OR11A1: variants seen among roughly 807,000 people sequenced by gnomAD.
The protein encoded by OR11A1 is olfactory receptor 11A1.
For missense variants in OR11A1, 380 were observed against 378.2 expected (o/e 1.00, Z -0.04); for synonymous variants, 158 against 152.2 (o/e 1.04, Z -0.28).
At chr6:29,450,633 G>A (rs1330008006) in intron 1 of OR11A1, 1 of 151,924 alleles carries the variant, frequency 6.6e-6, no homozygotes, top group Non-Finnish European at 1.5e-5. Context: ...CAATACCTAG[G>A]AAAGCAGCTA....
At chr6:29,446,104 A>G (rs535868664) in intron 1 of OR11A1, among the ~76,000 whole-genome samples, 29 of 152,300 alleles carry the variant, frequency 1.9e-4, no homozygotes, top group African/African-American at 7.0e-4. Flanking sequence ...CCCATCATCT[A>G]TTCAACTTTT....
At chr6:29,427,795 G>A in intron 4 of OR11A1, 63 bp from the exon 5 acceptor site, 10 of 1,212,136 alleles carry the variant, frequency 8.2e-6, no homozygotes, top group Non-Finnish European at 1.1e-5. Flanking sequence ...GCTCACGCAA[G>A]TCTTCAACTA....
intron 2 of OR11A1, among the ~76,000 whole-genome samples, chr6:29,430,821 G>A (rs1783178147): frequency 1.3e-5 from 2 of 152,114 alleles, no homozygotes; most frequent in African/African-American, 4.8e-5. Context: ...AAGTAGATAT[G>A]AAAAGAAAAG....
At position 29,430,582 on chromosome 6, in the gene OR11A1, T is replaced by C. The variant is rs546931443; in HGVS notation, c.-264-157A>G. Among the ~76,000 whole-genome samples, 4 of 152,340 alleles carry C rather than the reference T, an allele frequency of 2.6e-5. No homozygotes were observed. In the East Asian group the frequency reaches 5.8e-4, roughly 22 times the overall value. ...CAGAAACAGAAAGTCAAATATTGCA[T>C]ATTCTCATTTATAAGTGGGAGCTAA... On this transcript the variant is annotated intron_variant, in intron 2 of 4. Coordinates refer to ENST00000377149, the MANE Select transcript of OR11A1 (RefSeq NM_001394828.1).
chr6:29,440,238 G>C (rs1784011325), intron 1 of OR11A1: 1 of 1,613,932 alleles, frequency 6.2e-7, no homozygotes, highest in Non-Finnish European at 8.5e-7. Flanking sequence ...CTATACGTCT[G>C]TCACGGTCCC....
In OR11A1 at chr6:29,440,023, C is replaced by A. The variant is rs151242842; in HGVS notation, c.-388-8036G>T. 7.0e-3 allele frequency: 11,239 copies of A among 1,612,462 alleles called. 236 individuals are homozygous for A. The highest frequency in any genetic ancestry group is 0.066 in the Admixed American group (3,974 of 59,990). The stretch of plus-strand genomic sequence containing the variant: ...CAAAGGTATGCAGGCAGGATGAGTG[C>A]AAACACCTCCATGGTGACTGAGTTT... On this transcript the variant is annotated intron_variant, in intron 1 of 4. Transcript: ENST00000377149.
rs1782925426 is a variant in OR11A1 at position 29,427,560 on chromosome 6, A to G, written c.82T>C (p.Leu28=). The G allele has an allele frequency of 6.2e-7, 1 of 1,613,104 alleles. No homozygotes were observed. The highest frequency in any genetic ancestry group is 8.5e-7 in the Non-Finnish European group (1 of 1,180,044). Residue 28 remains leucine, a synonymous_variant, in exon 5 of 5, where the codon TTG becomes CTG. Transcript: ENST00000377149. Reference sequence around the variant, plus strand: ...ACAGCAGTGAATACAATAAAAAACAAGAAATGCAGTTCAGGGATGTCATAG... The same window carrying G: ...ACAGCAGTGAATACAATAAAAAACAGGAAATGCAGTTCAGGGATGTCATAG... ...GFYDIPELHF[L]FFIVFTAVYV...
chr6:29,427,386 C>T lies in OR11A1; in HGVS notation c.256G>A (p.Gly86Ser). The T allele has an allele frequency of 1.9e-6, 3 of 1,613,034 alleles. No homozygotes were observed. The African/African-American group carries it at 4.0e-5, about 21-fold the overall frequency. ...GAGATAGTTGCTTCTTGCAGGAAGC[C>T]CTCCAGCATTTTTGGCATCACTGCG... ...TSAVMPKMLE[G>S]FLQEATISVA... Residue 86 changes from glycine (G) to serine (S), a missense_variant, in exon 5 of 5, where the codon GGC (glycine) becomes AGC (serine). Gly to Ser is a moderately conservative substitution (Grantham distance 56). Transcript: ENST00000377149.
At chr6:29,441,508 TCAGA>T (rs1784190629) in intron 1 of OR11A1, among the ~76,000 whole-genome samples, 1 of 152,236 alleles carries the variant, frequency 6.6e-6, no homozygotes, top group South Asian at 2.1e-4. Flanking sequence ...GATTCTGATG[TCAGA>T]CAGACTTAAA....
At chr6:29,443,592 A>G (rs1784424338) in intron 1 of OR11A1, among the ~76,000 whole-genome samples, 1 of 151,082 alleles carries the variant, frequency 6.6e-6, no homozygotes, top group African/African-American at 2.5e-5. Flanking sequence ...TTTTTGGTTC[A>G]TAGAATGAAG....
intron 1 of OR11A1, chr6:29,450,472 T>C (rs1785244122): frequency 6.6e-6 from 1 of 152,214 alleles, no homozygotes; most frequent in South Asian, 2.1e-4. Flanking sequence ...AAATATTTTA[T>C]TGGAATCTTA....
At chr6:29,434,418 C>T (rs1472018521) in intron 1 of OR11A1, among the ~76,000 whole-genome samples, 1 of 152,178 alleles carries the variant, frequency 6.6e-6, no homozygotes, top group African/African-American at 2.4e-5. Flanking sequence ...ATTAAAAAGA[C>T]TTTTCTTTCA....
In OR11A1 at chr6:29,426,445, G is replaced by A. The variant is rs1248869435; in HGVS notation, c.*249C>T. The A allele has an allele frequency of 2.1e-6, 1 of 476,474 alleles. No individual in the cohort carries two copies. The highest frequency in any genetic ancestry group is 3.7e-6 in the Non-Finnish European group (1 of 270,312). The allele number at this position is 476,474 out of a possible 1,614,324, so 29.5% of individuals were successfully genotyped here. A position where few individuals can be genotyped will look rare whatever the true frequency, so the allele number is the denominator to read the frequency against. On this transcript the variant is annotated 3_prime_UTR_variant, in exon 5 of 5. Coordinates refer to ENST00000377149, the MANE Select transcript of OR11A1 (RefSeq NM_001394828.1). ...AATGAGTACTAGGCTTAATACCTGG[G>A]TGATGAAATAATCTGTACAGTAAAC...
chr6:29,430,259 G>A, intron 3 of OR11A1, 42 bp downstream of exon 3: 14 of 984,600 alleles, frequency 1.4e-5, no homozygotes, highest in Non-Finnish European at 1.6e-5. Flanking sequence ...CACAGGTTCT[G>A]TTATTGCCCT....
intron 1 of OR11A1, chr6:29,440,798 T>C: frequency 1.2e-6 from 2 of 1,614,106 alleles, no homozygotes; most frequent in Non-Finnish European, 1.7e-6. Flanking sequence ...ATATTCGCCC[T>C]AAGGCCAGCT....
At chr6:29,438,071 T>C (rs1783778393) in intron 1 of OR11A1, among the ~76,000 whole-genome samples, 1 of 152,230 alleles carries the variant, frequency 6.6e-6, no homozygotes, top group African/African-American at 2.4e-5. Flanking sequence ...CCAGTTTATG[T>C]AAACCCTGAA....
chr6:29,427,446 C>A lies in OR11A1; in HGVS notation c.196G>T (p.Ala66Ser). 6.2e-7 allele frequency: 1 copy of A among 1,613,066 alleles called. No individual in the cohort carries two copies. Among genetic ancestry groups the A allele is most frequent in the Non-Finnish European group, 8.5e-7 (1 of 1,180,020 alleles). Residue 66 changes from alanine (A) to serine (S), a missense_variant, in exon 5 of 5, where the codon GCG becomes TCG. By Grantham distance (99) the Ala-to-Ser change is moderately conservative. Coordinates refer to ENST00000377149, the MANE Select transcript of OR11A1 (RefSeq NM_001394828.1). Reference sequence around the variant, plus strand: ...AGAATATCCAGGAAGGACAGATTCGCCAAGAAAATATACATGGGTTTGTGG... The same window carrying A: ...AGAATATCCAGGAAGGACAGATTCGACAAGAAAATATACATGGGTTTGTGG... The part of the protein sequence containing the change: ...RLHKPMYIFL[A>S]NLSFLDILYT...
chr6:29,447,688 C>T (rs114160504), intron 1 of OR11A1, among the ~76,000 whole-genome samples: 1 of 152,192 alleles, frequency 6.6e-6, no homozygotes, highest in Admixed American at 6.5e-5. Flanking sequence ...TAAATGAGGC[C>T]ATTGTAGAGT....
intron 1 of OR11A1, among the ~76,000 whole-genome samples, chr6:29,433,262 A>G (rs1410432492): frequency 6.6e-6 from 1 of 152,166 alleles, no homozygotes; most frequent in Non-Finnish European, 1.5e-5. Context: ...ACCCTTTCAT[A>G]TAATAGATCT....
Sources: allele counts gnomAD v4.1 joint callset (sites outside exome capture counted in the v4.1 genomes callset), GRCh38; gene constraint gnomAD v4.1.1; transcripts MANE v1.5; gene names NCBI Gene and HGNC (gene_info 2026-07-23, HGNC 2026-07-21).